Variants in DDX60 observed in about 807,000 individuals in gnomAD.
DDX60 encodes probable ATP-dependent RNA helicase DDX60.
A neutral mutation model predicts 212.8 loss-of-function variants in DDX60; 165 were observed. That is an observed-to-expected ratio of 0.78 (90% CI 0.68 to 0.88). The LOEUF (loss-of-function observed/expected upper bound fraction) is 0.88, where lower values mean the gene tolerates loss of function less well. Among genes scored for constraint, DDX60 ranks in the 40% least tolerant of loss-of-function variants. DDX60 has a pLI of 0.00. For missense variants in DDX60, 1,905 were observed against 2,003.9 expected, an observed-to-expected ratio of 0.95 and a Z score of 0.94; for synonymous variants, 703 against 685.3, an observed-to-expected ratio of 1.03 and a Z score of -0.40.
chr4:168,314,362 T>C (rs1315774145), intron 1 of DDX60, among the ~76,000 whole-genome samples: 3 of 151,934 alleles, frequency 2.0e-5, no homozygotes, highest in African/African-American at 7.2e-5. Context: ...CCAATAGACA[T>C]TTGAGGCACA....
chr4:168,256,899 T>C (rs955524421), intron 25 of DDX60, among the ~76,000 whole-genome samples: 1 of 152,240 alleles, frequency 6.6e-6, no homozygotes, highest in African/African-American at 2.4e-5. Flanking sequence ...CAAAAGGAAA[T>C]GTGTTTAGCT....
chr4:168,265,863 AAGGGAAG>A, intron 22 of DDX60, among the ~76,000 whole-genome samples: 1 of 141,694 alleles, frequency 7.1e-6, no homozygotes, highest in East Asian at 2.2e-4. Context: ...AAGGGAAGGG[AAGGGAAG>A]GGAAGGGAAG....
the DDX60 span, among the ~76,000 whole-genome samples, chr4:168,324,972 T>C: frequency 2.0e-5 from 3 of 152,218 alleles, no homozygotes; most frequent in African/African-American, 7.2e-5. Context: ...GAAGCCAAAC[T>C]GCAGTCAAGA....
chr4:168,287,336 A>C, intron 9 of DDX60, 133 bp from the exon 10 acceptor site: 1 of 746,500 alleles, frequency 1.3e-6, no homozygotes, highest in South Asian at 1.7e-5. Flanking sequence ...TGAGTTCCAC[A>C]CTGGACATAA....
At chr4:168,321,215 C>T (rs965951954), upstream of DDX60, among the ~76,000 whole-genome samples, 7 of 152,018 alleles carry the variant, frequency 4.6e-5, no homozygotes, top group Non-Finnish European at 8.8e-5. Context: ...TTGATAGTCA[C>T]GTACTTTATT....
At chr4:168,221,301 G>T (rs961884514) in intron 36 of DDX60, among the ~76,000 whole-genome samples, 3 of 152,002 alleles carry the variant, frequency 2.0e-5, no homozygotes, top group Non-Finnish European at 4.4e-5. Context: ...TTTTGAAAAT[G>T]TTTTTCCTGC....
intron 4 of DDX60, among the ~76,000 whole-genome samples, chr4:168,307,574 G>T (rs1736940396): frequency 6.6e-6 from 1 of 152,080 alleles, no homozygotes; most frequent in Non-Finnish European, 1.5e-5. Context: ...CTCCCGAAGT[G>T]CTGGGATTAC....
At chr4:168,256,364 A>G (rs1429154987) in intron 25 of DDX60, among the ~76,000 whole-genome samples, 2 of 152,174 alleles carry the variant, frequency 1.3e-5, no homozygotes, top group Admixed American at 1.3e-4. Context: ...CCAAAGAATA[A>G]ACCCTAGTTG....
chr4:168,276,377 T>C (rs540459414), intron 14 of DDX60, among the ~76,000 whole-genome samples, 196 bp from the exon 15 acceptor site: 4 of 152,320 alleles, frequency 2.6e-5, no homozygotes, highest in East Asian at 1.9e-4. Context: ...TGTTGAGATG[T>C]AGCTATATCA....
In DDX60 at chr4:168,237,303, C is replaced by G. The variant is rs1375880508; in HGVS notation, c.4394G>C (p.Cys1465Ser). 3.9e-6 allele frequency: 6 copies of G among 1,557,214 alleles called. No individual in the cohort carries two copies. The highest frequency in any genetic ancestry group is 1.7e-4 in the Middle Eastern group (1 of 5,908). Residue 1465 changes from cysteine to serine, a missense_variant, in exon 32 of 38, where the codon TGT (cysteine) becomes TCT (serine). Transcript: ENST00000393743. Reference sequence around the variant, plus strand: ...AAGCTTACCTTTCCTGGTTGGCTGACAGAGATCATGGAAGAGTCCATTTAC... The same window carrying G: ...AAGCTTACCTTTCCTGGTTGGCTGAGAGAGATCATGGAAGAGTCCATTTAC... ...FLVNGLFHDL[C>S]QPTRKGSKHF...
At chr4:168,321,653 C>T (rs1009731659), upstream of DDX60, among the ~76,000 whole-genome samples, 1 of 152,190 alleles carries the variant, frequency 6.6e-6, no homozygotes, top group African/African-American at 2.4e-5. Context: ...ATATTCCAGT[C>T]TCACACAGAG....
chr4:168,261,835 C>T (rs1734635326), intron 24 of DDX60, among the ~76,000 whole-genome samples, 165 bp downstream of exon 24: 1 of 152,136 alleles, frequency 6.6e-6, no homozygotes, highest in African/African-American at 2.4e-5. Flanking sequence ...GACCAGTTTA[C>T]TTTCTCTTTT....
At chr4:168,259,620 G>A (rs1734544856) in intron 25 of DDX60, among the ~76,000 whole-genome samples, 1 of 151,306 alleles carries the variant, frequency 6.6e-6, no homozygotes, top group African/African-American at 2.4e-5. Flanking sequence ...TGGCTTAAGT[G>A]TAGCTTGAAA....
At chr4:168,285,334 T>C in intron 11 of DDX60, 59 bp downstream of exon 11, 2 of 959,100 alleles carry the variant, frequency 2.1e-6, no homozygotes, top group Non-Finnish European at 1.6e-6. Flanking sequence ...ATAATCCTCG[T>C]TGAGTAACTC....
intron 5 of DDX60, among the ~76,000 whole-genome samples, chr4:168,304,678 G>A (rs546924085): frequency 3.3e-4 from 50 of 152,228 alleles, no homozygotes; most frequent in African/African-American, 1.2e-3. Context: ...TCCAGCCTGA[G>A]TGACAGAGTG....
chr4:168,291,225 T>C (rs1736087996), intron 8 of DDX60, among the ~76,000 whole-genome samples: 1 of 152,062 alleles, frequency 6.6e-6, no homozygotes, highest in African/African-American at 2.4e-5. Context: ...AGTTCCAATA[T>C]AAGAAACAAT....
intron 13 of DDX60, among the ~76,000 whole-genome samples, chr4:168,282,805 A>G (rs1221181887): frequency 1.3e-5 from 2 of 152,204 alleles, no homozygotes; most frequent in Non-Finnish European, 2.9e-5. Context: ...TTCAGGAATT[A>G]TCAACTGATA....
intron 37 of DDX60, among the ~76,000 whole-genome samples, chr4:168,217,884 A>G (rs1193667361): frequency 6.6e-6 from 1 of 152,206 alleles, no homozygotes; most frequent in Non-Finnish European, 1.5e-5. Context: ...ATTGAGCCCA[A>G]GAAGACACAT....
At chr4:168,250,870 G>T in intron 28 of DDX60, 84 bp downstream of exon 28, 1 of 1,187,934 alleles carries the variant, frequency 8.4e-7, no homozygotes, top group Non-Finnish European at 1.2e-6. Context: ...AAAGAAAAAT[G>T]GTGGTTGTAT....
Sources: allele counts gnomAD v4.1 joint callset (sites outside exome capture counted in the v4.1 genomes callset), GRCh38; gene constraint gnomAD v4.1.1; transcripts MANE v1.5; gene names NCBI Gene and HGNC (gene_info 2026-07-23, HGNC 2026-07-21).